CPPED1: variants seen among roughly 807,000 people sequenced by gnomAD.
The protein encoded by CPPED1 is calcineurin like phosphoesterase domain containing 1.
A neutral mutation model predicts 28.0 loss-of-function variants in CPPED1; 28 were observed. The observed-to-expected ratio is 1.00, with a 90% CI of 0.74 to 1.37. CPPED1 has a LOEUF of 1.37. Ranked by LOEUF, CPPED1 falls within the 40% of genes most tolerant of loss-of-function variation. The pLI is 0.00. For synonymous variants in CPPED1, 198 were observed against 180.2 expected, an observed-to-expected ratio of 1.10 and a Z score of -0.79; for missense variants, 504 against 416.5, an observed-to-expected ratio of 1.21 and a Z score of -1.83.
At position 12,753,684 on chromosome 16, in the gene CPPED1, ATGTGTCTACCC is replaced by A. The variant is rs1330655701; in HGVS notation, c.289+27490_289+27500del. 9.2e-5 allele frequency: 14 copies of A among 152,198 alleles called. No homozygotes were observed. In the East Asian group the frequency reaches 2.7e-3, roughly 29 times the overall value. 9.4% of individuals were successfully genotyped at this position (152,198 alleles called of 1,614,324 possible). On this transcript the variant is annotated intron_variant, in intron 2 of 3. Coordinates refer to ENST00000381774, the MANE Select transcript of CPPED1 (RefSeq NM_018340.3). ...ATAAATTCCCCCTTCCTCAGAATCC[ATGTGTCTACCC>A]GCCCTCCTGCCCCTAATGTGAACAC...
intron 1 of CPPED1, among the ~76,000 whole-genome samples, chr16:12,789,921 T>C (rs1421583268): frequency 2.6e-5 from 4 of 152,202 alleles, no homozygotes; most frequent in East Asian, 3.8e-4. Flanking sequence ...ACCTGTTGTA[T>C]AGAGAATAAC....
intron 2 of CPPED1, among the ~76,000 whole-genome samples, chr16:12,741,002 T>G (rs537336777): frequency 1.0e-3 from 157 of 152,278 alleles, no homozygotes; most frequent in Non-Finnish European, 1.9e-3. Context: ...TTAACAGGCT[T>G]AGCAAGTCAT....
intron 2 of CPPED1, among the ~76,000 whole-genome samples, chr16:12,757,024 C>G (rs2141223527): frequency 6.6e-6 from 1 of 152,184 alleles, no homozygotes; most frequent in East Asian, 1.9e-4. Flanking sequence ...AAGGTAGGAC[C>G]CTATTATAGC....
Position 12,664,697 on chromosome 16 carries a change from G to T in CPPED1, c.*189C>A. 1 of 1,433,132 alleles carries T rather than the reference G, an allele frequency of 7.0e-7. No individual in the cohort carries two copies. 88.8% of individuals were successfully genotyped at this position (1,433,132 alleles called of 1,614,324 possible). On this transcript the variant is annotated 3_prime_UTR_variant, in exon 4 of 4. Transcript: ENST00000381774. This position sits in a 1 kb window ranked among gnomAD's most constrained non-coding sequence, Gnocchi z 4.2. ...CCAGGATCATTCGCTCCATTTTAAA[G>T]GAAATGCAGTTCTATTTTGAATATA...
intron 3 of CPPED1, among the ~76,000 whole-genome samples, chr16:12,689,001 T>G (rs1163698857): frequency 1.3e-5 from 2 of 152,210 alleles, no homozygotes; most frequent in East Asian, 3.9e-4. Context: ...TTGGGTCTGT[T>G]TATGCATGAA....
intron 1 of CPPED1, among the ~76,000 whole-genome samples, chr16:12,796,664 T>C (rs576115500): frequency 2.0e-5 from 3 of 152,276 alleles, no homozygotes; most frequent in African/African-American, 7.2e-5. Context: ...GAAAATAGTT[T>C]GGTGGTTCCT....
chr16:12,722,012 A>T (rs1178965054), intron 2 of CPPED1, among the ~76,000 whole-genome samples: 1 of 152,114 alleles, frequency 6.6e-6, no homozygotes, highest in Non-Finnish European at 1.5e-5. Flanking sequence ...AAGCAAACCA[A>T]TGTTCTCTGA....
intron 3 of CPPED1, among the ~76,000 whole-genome samples, chr16:12,675,812 G>A (rs1029385060): frequency 3.9e-5 from 6 of 152,210 alleles, no homozygotes; most frequent in Non-Finnish European, 7.4e-5. Flanking sequence ...TCAGTGGTAG[G>A]GAAAAATGTG....
chr16:12,682,488 T>A lies in CPPED1; in HGVS notation c.716-17373A>T, dbSNP rs1419366387. Among the ~76,000 whole-genome samples the A allele has an allele frequency of 6.6e-6, 1 of 152,140 alleles. No homozygotes were observed. ...GGTTGTCAGAAAAGCAGTGGCAGCC[T>A]GGGGTGGGAGCTAGGGGTTGGGAGA... On this transcript the variant is annotated intron_variant, in intron 3 of 3. Coordinates refer to ENST00000381774, the MANE Select transcript of CPPED1 (RefSeq NM_018340.3). This position sits in a 1 kb window ranked among gnomAD's most constrained non-coding sequence, Gnocchi z 6.1.
intron 1 of CPPED1, among the ~76,000 whole-genome samples, chr16:12,801,020 G>A (rs995307041): frequency 1.8e-4 from 28 of 152,032 alleles, no homozygotes; most frequent in Non-Finnish European, 2.6e-4. Flanking sequence ...CCACTCCCCC[G>A]CCCCCAACTT....
chr16:12,802,785 G>GGA (rs2080668369), intron 1 of CPPED1, among the ~76,000 whole-genome samples: 1 of 152,194 alleles, frequency 6.6e-6, no homozygotes, highest in Non-Finnish European at 1.5e-5. Flanking sequence ...GGGAAAGAAC[G>GGA]GCCTTGGCCC....
At chr16:12,781,425 AAAG>A (rs749765580) in intron 1 of CPPED1, 22 bp from the exon 2 acceptor site, 2 of 1,603,044 alleles carry the variant, frequency 1.2e-6, no homozygotes, top group Non-Finnish European at 1.7e-6. Flanking sequence ...AGAGAGGGAG[AAAG>A]AAGGAGAAAT....
At chr16:12,779,868 A>C (rs2080519626) in intron 2 of CPPED1, among the ~76,000 whole-genome samples, 1 of 151,780 alleles carries the variant, frequency 6.6e-6, no homozygotes, top group Non-Finnish European at 1.5e-5. Flanking sequence ...ACCCACACCC[A>C]CTGCTGTGTT....
At chr16:12,696,958 C>A (rs554797265) in intron 3 of CPPED1, among the ~76,000 whole-genome samples, 2 of 152,154 alleles carry the variant, frequency 1.3e-5, no homozygotes, top group South Asian at 2.1e-4. Context: ...TCCCCCTGTA[C>A]AAACCTCCAA....
chr16:12,661,744 CATT>C lies in CPPED1; in HGVS notation c.*3139_*3141del, dbSNP rs752443685. 1.3e-5 allele frequency: 2 copies of C among 152,406 alleles called. No individual in the cohort carries two copies. The highest frequency in any genetic ancestry group is 2.9e-5 in the Non-Finnish European group (2 of 68,222). The allele number at this position is 152,406 out of a possible 1,614,324, so 9.4% of individuals were successfully genotyped here. A position where few individuals can be genotyped will look rare whatever the true frequency, so the allele number is the denominator to read the frequency against. On this transcript the variant is annotated 3_prime_UTR_variant, in exon 4 of 4. Coordinates refer to ENST00000381774, the MANE Select transcript of CPPED1 (RefSeq NM_018340.3). ...GCAGACAGGGCTGTGTCCCGTGACT[CATT>C]ATGGTTCAGTTCGGTTTCTAAATCT...
chr16:12,661,649 T>TG lies in CPPED1; in HGVS notation c.*3236dup, dbSNP rs2079795270. The TG allele has an allele frequency of 6.6e-6, 1 of 152,254 alleles. No homozygotes were observed. 9.4% of individuals were successfully genotyped at this position (152,254 alleles called of 1,614,324 possible). A position where few individuals can be genotyped will look rare whatever the true frequency, so the allele number is the denominator to read the frequency against. The stretch of plus-strand genomic sequence containing the variant: ...GTGACATTCCTTGCCTTGAGACAGC[T>TG]GGTGGTTTCCTACACCCTGTGGTGG... On this transcript the variant is annotated 3_prime_UTR_variant, in exon 4 of 4. Coordinates refer to ENST00000381774, the MANE Select transcript of CPPED1 (RefSeq NM_018340.3).
chr16:12,693,921 T>C (rs2079976383), intron 3 of CPPED1, among the ~76,000 whole-genome samples: 1 of 152,214 alleles, frequency 6.6e-6, no homozygotes, highest in African/African-American at 2.4e-5. Context: ...CATTTTTACT[T>C]GGCCGGCTGT....
chr16:12,664,748 G>A lies in CPPED1; in HGVS notation c.*138C>T. 2 of 1,495,568 alleles carry A rather than the reference G, an allele frequency of 1.3e-6. No individual in the cohort carries two copies. The highest frequency in any genetic ancestry group is 1.8e-6 in the Non-Finnish European group (2 of 1,134,088). 92.6% of individuals were successfully genotyped at this position (1,495,568 alleles called of 1,614,324 possible). ...ATTCAGGACAGGGCCCCAGCTCTCT[G>A]ATTTATGCAAAAGGACATAAATTCA... On this transcript the variant is annotated 3_prime_UTR_variant, in exon 4 of 4. Transcript: ENST00000381774. This position sits in a 1 kb window ranked among gnomAD's most constrained non-coding sequence, Gnocchi z 4.2.
chr16:12,782,694 T>C (rs2080539651), intron 1 of CPPED1, among the ~76,000 whole-genome samples: 1 of 151,754 alleles, frequency 6.6e-6, no homozygotes. Flanking sequence ...ACCCCATCTC[T>C]ATCAAAAATA....
Sources: allele counts gnomAD v4.1 joint callset (sites outside exome capture counted in the v4.1 genomes callset), GRCh38; gene constraint gnomAD v4.1.1; non-coding constraint Gnocchi (gnomAD v3.1); transcripts MANE v1.5; gene names NCBI Gene and HGNC (gene_info 2026-07-23, HGNC 2026-07-21).